IL34: variants seen among roughly 807,000 people sequenced by gnomAD.
IL34 encodes the protein interleukin-34.
In IL34, 17 loss-of-function variants were observed where a neutral mutation model predicts 25.3. That is an observed-to-expected ratio of 0.67 (90% CI 0.46 to 1.01). The LOEUF (loss-of-function observed/expected upper bound fraction) is 1.01. IL34 is among the 50% of genes least tolerant of loss of function. The probability of loss-of-function intolerance (pLI) is 0.00; values close to 1 mark genes in which losing one functional copy is unlikely to be tolerated. For synonymous variants in IL34, 174 were observed against 140.9 expected, an observed-to-expected ratio of 1.23 and a Z score of -1.66; for missense variants, 368 against 312.9, an observed-to-expected ratio of 1.18 and a Z score of -1.33.
At chr16:70,581,481 C>A (rs2050635735) in intron 1 of IL34, among the ~76,000 whole-genome samples, 1 of 150,954 alleles carries the variant, frequency 6.6e-6, no homozygotes, top group East Asian at 1.9e-4. Context: ...AGAATGAATA[C>A]TCTGGGCCAA....
intron 1 of IL34, among the ~76,000 whole-genome samples, chr16:70,652,818 C>T (rs1021048326): frequency 1.3e-5 from 2 of 152,158 alleles, no homozygotes; most frequent in Admixed American, 6.5e-5. Context: ...ACTACTAAAT[C>T]GATTAATAAC....
chr16:70,593,047 G>A (rs755060146), intron 1 of IL34, among the ~76,000 whole-genome samples: 5 of 151,784 alleles, frequency 3.3e-5, no homozygotes, highest in Non-Finnish European at 5.9e-5. Context: ...GGCTGGTCTC[G>A]AACTGCTGGC....
At chr16:70,589,056 G>C (rs1028033158) in intron 1 of IL34, among the ~76,000 whole-genome samples, 4 of 152,090 alleles carry the variant, frequency 2.6e-5, no homozygotes, top group Non-Finnish European at 5.9e-5. Flanking sequence ...TGCTAGCTGA[G>C]CGTGGTGGCG....
intron 1 of IL34, among the ~76,000 whole-genome samples, chr16:70,650,279 G>T (rs1238820313): frequency 2.0e-5 from 3 of 152,310 alleles, no homozygotes; most frequent in African/African-American, 7.2e-5. Context: ...TCTCTGGGTG[G>T]GTGGAGGCAG....
chr16:70,597,301 G>C (rs1336114430), intron 1 of IL34, among the ~76,000 whole-genome samples: 1 of 151,656 alleles, frequency 6.6e-6, no homozygotes, highest in Non-Finnish European at 1.5e-5. Context: ...GCTCCCTGTA[G>C]CCTTGAGCTC....
intron 1 of IL34, among the ~76,000 whole-genome samples, chr16:70,592,273 GGAT>G (rs572181788): frequency 3.6e-4 from 55 of 152,210 alleles, no homozygotes; most frequent in African/African-American, 1.3e-3. Flanking sequence ...AACCTTTGTT[GGAT>G]GATGTCACTG....
intron 1 of IL34, among the ~76,000 whole-genome samples, chr16:70,583,380 G>A (rs138988683): frequency 0.032 from 4,825 of 152,188 alleles, 289 homozygotes; most frequent in African/African-American, 0.11. Context: ...GGGATTACAG[G>A]CATGAGCCAC....
intron 1 of IL34, 122 bp from the exon 2 acceptor site, chr16:70,654,416 C>A (rs982882460): frequency 2.6e-5 from 35 of 1,344,084 alleles, no homozygotes; most frequent in Admixed American, 9.0e-5. Context: ...CCCCACCACA[C>A]CTTTCCCATT....
intron 1 of IL34, among the ~76,000 whole-genome samples, chr16:70,604,330 C>T (rs1177037155): frequency 6.6e-6 from 1 of 152,212 alleles, no homozygotes; most frequent in African/African-American, 2.4e-5. Flanking sequence ...GTGGGGACCT[C>T]TGCAAACACC....
rs962610004 is a variant in IL34 at position 70,580,239 on chromosome 16, T to G, written c.-401+190T>G. Reference sequence around the variant, plus strand: ...AGAGAAGTATATCTCAGCAGAACTGTCTGCTCTGGGTTTCAATTTTTAACC... The same window carrying G: ...AGAGAAGTATATCTCAGCAGAACTGGCTGCTCTGGGTTTCAATTTTTAACC... On this transcript the variant is annotated intron_variant, in intron 1 of 6. Transcript: ENST00000429149. 2.0e-5 allele frequency among the ~76,000 whole-genome samples: 3 copies of G among 152,206 alleles called. No homozygotes were observed. The South Asian group carries it at 6.2e-4, about 31-fold the overall frequency.
chr16:70,591,452 C>T (rs1353928189), intron 1 of IL34, among the ~76,000 whole-genome samples: 1 of 151,978 alleles, frequency 6.6e-6, no homozygotes, highest in African/African-American at 2.4e-5. Context: ...ACCTGTAGTC[C>T]CAGCTACTCA....
rs2052168113 is a variant in IL34, at chr16:70,654,658, G to A, written c.149G>A (p.Arg50Gln). Residue 50 changes from arginine (R) to glutamine (Q), a missense_variant, in exon 2 of 6, where the codon CGA (arginine) becomes CAA (glutamine). Arg to Gln is a conservative substitution (Grantham distance 43). Coordinates refer to ENST00000288098, the MANE Select transcript of IL34 (RefSeq NM_001393494.1). ...CGGGACAAGCTGCAGTACAGGAGCC[G>A]ACTTCAGTACATGGTAACCACGTGG... is the stretch of plus-strand genomic sequence containing the variant. ...FLRDKLQYRS[R>Q]LQYMKHYFPI... 6 of 1,609,184 alleles carry A rather than the reference G, an allele frequency of 3.7e-6. No homozygotes were observed. The highest frequency in any genetic ancestry group is 5.1e-6 in the Non-Finnish European group (6 of 1,176,396).
At chr16:70,650,154 C>G (rs1278138050) in intron 1 of IL34, among the ~76,000 whole-genome samples, 1 of 152,122 alleles carries the variant, frequency 6.6e-6, no homozygotes, top group East Asian at 1.9e-4. Flanking sequence ...GTCTCCTGAC[C>G]AAGGTCAGGG....
At chr16:70,615,582 G>A (rs1358685219) in intron 1 of IL34, among the ~76,000 whole-genome samples, 1 of 152,118 alleles carries the variant, frequency 6.6e-6, no homozygotes, top group Non-Finnish European at 1.5e-5. Flanking sequence ...AATCTTTCAC[G>A]CTTTAGTGTG....
At chr16:70,659,261 C>G (rs767022442) in intron 4 of IL34, among the ~76,000 whole-genome samples, 36 of 152,228 alleles carry the variant, frequency 2.4e-4, no homozygotes, top group Non-Finnish European at 4.1e-4. Flanking sequence ...ATGGAGATGT[C>G]TGCTTCTTGA....
intron 1 of IL34, among the ~76,000 whole-genome samples, chr16:70,615,056 A>G (rs1431725351): frequency 1.3e-5 from 2 of 152,222 alleles, no homozygotes; most frequent in Non-Finnish European, 2.9e-5. Flanking sequence ...ATCTAATTAG[A>G]GCTGATCCTC....
intron 1 of IL34, among the ~76,000 whole-genome samples, chr16:70,597,237 TG>T (rs374574164): frequency 1.3e-3 from 197 of 150,912 alleles, no homozygotes; most frequent in Non-Finnish European, 2.1e-3. Flanking sequence ...TTTTTTTTTT[TG>T]GAGACAGTGT....
chr16:70,604,725 C>G (rs555254506), intron 1 of IL34, among the ~76,000 whole-genome samples: 1 of 152,194 alleles, frequency 6.6e-6, no homozygotes, highest in Non-Finnish European at 1.5e-5. Context: ...AGGCAAAGTC[C>G]GATAAGGAGC....
chr16:70,641,012 C>T (rs2151862140), intron 1 of IL34, among the ~76,000 whole-genome samples: 1 of 152,286 alleles, frequency 6.6e-6, no homozygotes. Context: ...TGGCTCACAC[C>T]TGTAATCCCA....
Sources: allele counts gnomAD v4.1 joint callset (sites outside exome capture counted in the v4.1 genomes callset), GRCh38; gene constraint gnomAD v4.1.1; transcripts MANE v1.5; gene names NCBI Gene and HGNC (gene_info 2026-07-23, HGNC 2026-07-21).